SNX8: variants seen among roughly 807,000 people sequenced by gnomAD.
SNX8 encodes sorting nexin-8.
SNX8 carries 25 observed loss-of-function variants against 51.6 expected under a neutral mutation model. The observed-to-expected ratio is 0.48, with a 90% CI of 0.35 to 0.68. The LOEUF (loss-of-function observed/expected upper bound fraction) is 0.68. Ranked by LOEUF, SNX8 falls within the 30% of genes least tolerant of loss-of-function variation. The probability of loss-of-function intolerance (pLI) is 0.00; values close to 1 mark genes in which losing one functional copy is unlikely to be tolerated. For synonymous variants in SNX8, 324 were observed against 277.0 expected (o/e 1.17, Z -1.68); for missense variants, 695 against 624.0 (o/e 1.11, Z -1.21).
intron 2 of SNX8, among the ~76,000 whole-genome samples, chr7:2,277,754 C>T (rs1795813865): frequency 6.6e-6 from 1 of 151,852 alleles, no homozygotes; most frequent in African/African-American, 2.4e-5. Context: ...TTGCAGTGAG[C>T]CGAGATCATG....
intron 1 of SNX8, among the ~76,000 whole-genome samples, chr7:2,286,518 T>G (rs1049961874): frequency 7.9e-6 from 1 of 126,732 alleles, no homozygotes; most frequent in Admixed American, 8.5e-5. Flanking sequence ...CGGGCTATTT[T>G]ATAATTTTTT....
chr7:2,342,198 T>TAATAAATA (rs532363238), intron 1 of SNX8, among the ~76,000 whole-genome samples: 21 of 150,692 alleles, frequency 1.4e-4, no homozygotes, highest in East Asian at 9.8e-4. Flanking sequence ...TAATAATAAA[T>TAATAAATA]AATAAATAAA....
chr7:2,305,726 C>A (rs1796530199), intron 1 of SNX8, among the ~76,000 whole-genome samples: 1 of 151,978 alleles, frequency 6.6e-6, no homozygotes, highest in South Asian at 2.1e-4. Flanking sequence ...TATAAAACTT[C>A]TATGAACACT....
intron 1 of SNX8, among the ~76,000 whole-genome samples, chr7:2,326,493 G>C (rs180947246): frequency 3.3e-5 from 5 of 151,612 alleles, no homozygotes; most frequent in Non-Finnish European, 7.4e-5. Context: ...GTGAAACCCC[G>C]TCTCTACTAA....
At chr7:2,336,011 G>A (rs1214321236) in intron 1 of SNX8, among the ~76,000 whole-genome samples, 2 of 151,536 alleles carry the variant, frequency 1.3e-5, no homozygotes, top group Admixed American at 1.3e-4. Flanking sequence ...GCTGAGACAG[G>A]AGAATTGTTT....
chr7:2,266,618 TACAGGCG>T (rs1795470443), intron 5 of SNX8, among the ~76,000 whole-genome samples: 1 of 152,212 alleles, frequency 6.6e-6, no homozygotes, highest in Non-Finnish European at 1.5e-5. Flanking sequence ...GTGCTAGGAT[TACAGGCG>T]TAAGCCACCA....
At chr7:2,334,157 T>C (rs1463819728) in intron 1 of SNX8, among the ~76,000 whole-genome samples, 1 of 152,152 alleles carries the variant, frequency 6.6e-6, no homozygotes, top group Non-Finnish European at 1.5e-5. Flanking sequence ...GGCTCATGCC[T>C]GTAATCCCAG....
chr7:2,328,255 G>A (rs577074365), intron 1 of SNX8, among the ~76,000 whole-genome samples: 28 of 152,004 alleles, frequency 1.8e-4, no homozygotes, highest in South Asian at 1.2e-3. Flanking sequence ...GTTTCTCCAC[G>A]CTGGCCAGGC....
At chr7:2,349,212 A>C (rs1779093097) in intron 1 of SNX8, among the ~76,000 whole-genome samples, 1 of 150,716 alleles carries the variant, frequency 6.6e-6, no homozygotes, top group Non-Finnish European at 1.5e-5. Context: ...TCAAAAACAA[A>C]AAAAAAAAAA....
intron 1 of SNX8, among the ~76,000 whole-genome samples, chr7:2,295,858 T>C (rs1000230223): frequency 1.4e-4 from 22 of 152,138 alleles, no homozygotes; most frequent in African/African-American, 5.3e-4. Context: ...CCCAGTGATA[T>C]GTTTTTGTAT....
At position 2,345,750 on chromosome 7, in the gene SNX8, ATAT is replaced by A. The variant is rs201902130; in HGVS notation, c.-66+8469_-66+8471del. 9.1e-3 allele frequency among the ~76,000 whole-genome samples: 1,323 copies of A among 146,164 alleles called. 16 individuals are homozygous for A. The highest frequency in any genetic ancestry group is 0.035 in the African/African-American group (1,267 of 36,616). On this transcript the variant is annotated intron_variant, in intron 1 of 5. Coordinates refer to the SNX8 transcript ENST00000435336. ...TATTTGCGTCAACATTCTGGTTGTG[ATAT>A]TATTGTGTACTTCTGCATCATTAGA...
intron 1 of SNX8, among the ~76,000 whole-genome samples, chr7:2,305,103 G>T (rs527430964): frequency 5.6e-4 from 85 of 152,154 alleles, no homozygotes; most frequent in African/African-American, 2.0e-3. Context: ...GAAACAGCTG[G>T]ACTCAACAGA....
At chr7:2,308,624 C>A (rs1796597747) in intron 1 of SNX8, among the ~76,000 whole-genome samples, 1 of 142,952 alleles carries the variant, frequency 7.0e-6, no homozygotes, top group African/African-American at 2.6e-5. Context: ...CTAGATGGCA[C>A]CACTGCACTC....
At chr7:2,331,290 T>C (rs1778730319) in intron 1 of SNX8, among the ~76,000 whole-genome samples, 1 of 151,598 alleles carries the variant, frequency 6.6e-6, no homozygotes. Flanking sequence ...CCAGAAAAGC[T>C]ACTAGACTAA....
upstream of SNX8, among the ~76,000 whole-genome samples, chr7:2,319,325 G>A (rs528814381): frequency 6.3e-4 from 96 of 151,410 alleles, no homozygotes; most frequent in African/African-American, 2.3e-3. Context: ...CTGGGTGACA[G>A]AGTAAGACCC....
chr7:2,289,062 C>T (rs551522703), intron 1 of SNX8, among the ~76,000 whole-genome samples: 3 of 152,238 alleles, frequency 2.0e-5, no homozygotes, highest in Non-Finnish European at 4.4e-5. Flanking sequence ...TAACCACGGT[C>T]GAAAGTCAGT....
At chr7:2,348,338 C>CTTTTTTT (rs59761780) in intron 1 of SNX8, among the ~76,000 whole-genome samples, 4 of 93,666 alleles carry the variant, frequency 4.3e-5, no homozygotes, top group Non-Finnish European at 6.5e-5. Context: ...TTCTTTCTTT[C>CTTTTTTT]TTTTTTTTTT....
rs1023056596 is a variant in SNX8 at position 2,304,283 on chromosome 7, G to A, written c.94+10045C>T. Among the ~76,000 whole-genome samples the A allele has an allele frequency of 3.3e-5, 5 of 151,740 alleles. No individual in the cohort carries two copies. In the East Asian group the frequency reaches 5.8e-4, roughly 18 times the overall value. On this transcript the variant is annotated intron_variant, in intron 1 of 10. Coordinates refer to ENST00000222990, the MANE Select transcript of SNX8 (RefSeq NM_013321.4). The stretch of plus-strand genomic sequence containing the variant: ...TCCCCGGCCGGGCACGGCAGCTCAC[G>A]CCTGGAATCCCAGCACTTTGGGAGG...
intron 1 of SNX8, among the ~76,000 whole-genome samples, chr7:2,298,875 TAG>T (rs757043897): frequency 9.9e-5 from 15 of 151,738 alleles, no homozygotes; most frequent in Non-Finnish European, 1.9e-4. Context: ...GGATTTTTGG[TAG>T]AGACAGGGTT....
Sources: gnomAD v4.1 joint callset for allele counts (sites outside exome capture counted in the v4.1 genomes callset) on GRCh38, gnomAD v4.1.1 for gene constraint, MANE v1.5 for transcripts, NCBI Gene and HGNC (gene_info 2026-07-23, HGNC 2026-07-21) for gene names.